The following MAST4 variants were observed in gnomAD, a reference collection of about 807,000 sequenced individuals.
MAST4 encodes the protein microtubule-associated serine/threonine-protein kinase 4.
In MAST4, 89 loss-of-function variants were observed where a neutral mutation model predicts 162.7. That is an observed-to-expected ratio of 0.55 (90% CI 0.46 to 0.65). The LOEUF (loss-of-function observed/expected upper bound fraction) is 0.65. MAST4 is among the 30% of genes least tolerant of loss of function. The pLI is 0.00. For missense variants in MAST4, 3,153 were observed against 3,374.0 expected (o/e 0.93, Z 1.62); for synonymous variants, 1,479 against 1,361.1 (o/e 1.09, Z -1.91).
At chr5:67,030,265 T>TA (rs1755144691) in intron 4 of MAST4, among the ~76,000 whole-genome samples, 1 of 152,188 alleles carries the variant, frequency 6.6e-6, no homozygotes, top group South Asian at 2.1e-4. Flanking sequence ...CATGGTGTGA[T>TA]ACCTGTATTC....
Position 67,166,217 on chromosome 5 carries a change from CAAACA to C in MAST4, c.7039_7043del (p.Lys2347AspfsTer28). 6.4e-7 allele frequency: 1 copy of C among 1,552,716 alleles called. No individual in the cohort carries two copies. Among genetic ancestry groups the C allele is most frequent in the South Asian group, 1.2e-5 (1 of 84,156 alleles). On this transcript the variant is annotated frameshift_variant, in exon 29 of 29. Transcript: ENST00000403625. LOFTEE classifies it low-confidence loss of function (END_TRUNC). ...CTGTGAAAGATTGCCCCACCCTGTGCAAACAGACAGACAACAGACAGACAGACAAA... is the reference window on the plus strand; with the variant it reads ...CTGTGAAAGATTGCCCCACCCTGTGCGACAGACAACAGACAGACAGACAAA...
intron 4 of MAST4, among the ~76,000 whole-genome samples, chr5:66,976,661 G>C (rs987407820): frequency 5.3e-5 from 8 of 152,210 alleles, no homozygotes; most frequent in Admixed American, 4.6e-4. Flanking sequence ...AAGGGATTCC[G>C]TAGGCTCTAG....
chr5:66,915,032 G>A (rs945345468), intron 4 of MAST4, among the ~76,000 whole-genome samples: 9 of 152,126 alleles, frequency 5.9e-5, no homozygotes, highest in African/African-American at 9.7e-5. Flanking sequence ...GGAGGCAGAG[G>A]TGGGTGGATC....
intron 3 of MAST4, among the ~76,000 whole-genome samples, chr5:66,895,349 C>T (rs955900068): frequency 2.0e-5 from 3 of 152,124 alleles, no homozygotes; most frequent in African/African-American, 7.2e-5. Context: ...CACTTATCTC[C>T]TGTAAAGTCC....
At chr5:67,006,646 G>C (rs561637290) in intron 4 of MAST4, among the ~76,000 whole-genome samples, 1 of 152,258 alleles carries the variant, frequency 6.6e-6, no homozygotes, top group East Asian at 1.9e-4. Flanking sequence ...GTCTGAACCC[G>C]TAGAGCAGTT....
At chr5:67,058,698 AGT>A (rs757846849) in intron 5 of MAST4, among the ~76,000 whole-genome samples, 2 of 152,324 alleles carry the variant, frequency 1.3e-5, no homozygotes, top group African/African-American at 4.8e-5. Flanking sequence ...TGTGTTTTAG[AGT>A]GTGTATACAC....
intron 1 of MAST4, among the ~76,000 whole-genome samples, chr5:66,683,874 A>G (rs1488606242): frequency 6.6e-6 from 1 of 152,140 alleles, no homozygotes; most frequent in African/African-American, 2.4e-5. Context: ...TGCTGCAGAG[A>G]CTGGTATTCC....
At chr5:67,031,373 T>C (rs1299731707) in intron 4 of MAST4, among the ~76,000 whole-genome samples, 3 of 152,112 alleles carry the variant, frequency 2.0e-5, no homozygotes, top group Non-Finnish European at 4.4e-5. Context: ...TTAAGTTCTG[T>C]CTAGGGACTG....
chr5:67,118,041 TA>T (rs2150940526), intron 12 of MAST4, among the ~76,000 whole-genome samples: 1 of 152,306 alleles, frequency 6.6e-6, no homozygotes, highest in East Asian at 1.9e-4. Flanking sequence ...TCACATACAG[TA>T]CAAAAAACTC....
At chr5:66,603,451 G>C (rs1017078897) in intron 1 of MAST4, among the ~76,000 whole-genome samples, 1 of 152,158 alleles carries the variant, frequency 6.6e-6, no homozygotes, top group Non-Finnish European at 1.5e-5. Flanking sequence ...CTTCATTTCA[G>C]CTTCCTAGAA....
intron 12 of MAST4, chr5:67,115,045 C>CAAAAAAA (rs35124829): frequency 1.3e-5 from 1 of 76,690 alleles, no homozygotes; most frequent in African/African-American, 4.1e-5. Flanking sequence ...AACTCCGACT[C>CAAAAAAA]AAAAAAAAAA....
chr5:66,941,087 T>C (rs1184378960), intron 4 of MAST4, among the ~76,000 whole-genome samples: 4 of 152,154 alleles, frequency 2.6e-5, no homozygotes, highest in East Asian at 3.8e-4. Context: ...TGAACAGATA[T>C]GCTGTCATCT....
rs529148234 is a variant in MAST4 at position 66,722,887 on chromosome 5, G to A, written c.364-36822G>A. ...AGTCAGAGTCTAAGGCGGAGAACGG[G>A]ACACCTGCCAGATATGTAGTTGAAA... On this transcript the variant is annotated intron_variant, in intron 1 of 28. Transcript: ENST00000403625. Among the ~76,000 whole-genome samples, 5 of 152,264 alleles carry A rather than the reference G, an allele frequency of 3.3e-5. No individual in the cohort carries two copies. In the South Asian group the frequency reaches 1.0e-3, roughly 32 times the overall value.
intron 28 of MAST4, 47 bp downstream of exon 28, chr5:67,162,835 G>C (rs1773354748): frequency 2.6e-6 from 4 of 1,542,254 alleles, no homozygotes; most frequent in Admixed American, 2.0e-5. Flanking sequence ...GGGAGGTAAA[G>C]TCATGTGAGG....
At chr5:66,788,835 C>T in intron 3 of MAST4, 41 bp downstream of exon 3, 1 of 1,510,744 alleles carries the variant, frequency 6.6e-7, no homozygotes, top group Non-Finnish European at 8.8e-7. Flanking sequence ...CTCCAGCTCA[C>T]CACCTCTCTA....
chr5:66,967,800 A>G (rs1361044539), intron 4 of MAST4, among the ~76,000 whole-genome samples: 3 of 151,874 alleles, frequency 2.0e-5, no homozygotes, highest in Non-Finnish European at 4.4e-5. Flanking sequence ...ATATCAGTTT[A>G]TTAGTTACCA....
rs1448096818 is a variant in MAST4, at chr5:66,951,800, TAA to T, written c.674+51821_674+51822del. Among the ~76,000 whole-genome samples the T allele has an allele frequency of 2.0e-5, 3 of 152,192 alleles. No homozygotes were observed. In the East Asian group the frequency reaches 5.8e-4, roughly 29 times the overall value. ...CTTTCCACACTCTTCAATAGAACTA[TAA>T]AACTCTTGTTGGCACTTTCTATGTT... is the stretch of plus-strand genomic sequence containing the variant. On this transcript the variant is annotated intron_variant, in intron 4 of 28. Coordinates refer to ENST00000403625, the MANE Select transcript of MAST4 (RefSeq NM_001164664.2).
intron 1 of MAST4, among the ~76,000 whole-genome samples, chr5:66,681,178 T>C (rs1167772539): frequency 2.6e-5 from 4 of 152,256 alleles, no homozygotes; most frequent in African/African-American, 7.2e-5. Context: ...AAAAGCACTT[T>C]TCACAGTGAC....
intron 4 of MAST4, among the ~76,000 whole-genome samples, chr5:66,936,964 C>T (rs1157658590): frequency 6.6e-6 from 1 of 152,172 alleles, no homozygotes; most frequent in Non-Finnish European, 1.5e-5. Context: ...CTCCTCACTA[C>T]AGTGCGGCTT....
Sources: gnomAD v4.1 joint callset for allele counts (sites outside exome capture counted in the v4.1 genomes callset) on GRCh38, gnomAD v4.1.1 for gene constraint, MANE v1.5 for transcripts, NCBI Gene and HGNC (gene_info 2026-07-23, HGNC 2026-07-21) for gene names.